The following LY96 variants were observed in gnomAD, a reference collection of about 807,000 sequenced individuals.
The protein encoded by LY96 is myeloid differentiation protein-2.
A neutral mutation model predicts 18.9 loss-of-function variants in LY96; 18 were observed. The observed-to-expected ratio is 0.95, with a 90% CI of 0.66 to 1.41. The LOEUF (loss-of-function observed/expected upper bound fraction) is 1.41, where lower values mean the gene tolerates loss of function less well. LY96 is among the 40% of genes most tolerant of loss of function. The pLI is 0.00. For missense variants in LY96, 175 were observed against 182.4 expected, an observed-to-expected ratio of 0.96 and a Z score of 0.23; for synonymous variants, 66 against 62.6, an observed-to-expected ratio of 1.06 and a Z score of -0.26.
chr8:74,011,910 TA>T (rs1816540111), intron 3 of LY96, among the ~76,000 whole-genome samples: 1 of 148,402 alleles, frequency 6.7e-6, no homozygotes, highest in African/African-American at 2.5e-5. Flanking sequence ...CACTTATAGA[TA>T]CTTTTCAAAA....
chr8:74,025,353 C>A (rs1422495277), intron 3 of LY96, among the ~76,000 whole-genome samples: 1 of 152,124 alleles, frequency 6.6e-6, no homozygotes, highest in Non-Finnish European at 1.5e-5. Context: ...GGTATCAACT[C>A]CTTTAGTAAG....
At chr8:74,066,169 T>C in the LY96 span, among the ~76,000 whole-genome samples, 1 of 152,020 alleles carries the variant, frequency 6.6e-6, no homozygotes, top group African/African-American at 2.4e-5. Flanking sequence ...GAGGACTCAC[T>C]CTCGGTTTCA....
At chr8:74,099,668 C>T in the LY96 span, 1 of 152,188 alleles carries the variant, frequency 6.6e-6, no homozygotes, top group Non-Finnish European at 1.5e-5. Context: ...ATATTAATGA[C>T]TCCTCCTATA....
chr8:74,021,494 AT>A (rs1816759090), intron 3 of LY96, among the ~76,000 whole-genome samples: 1 of 152,226 alleles, frequency 6.6e-6, no homozygotes, highest in Non-Finnish European at 1.5e-5. Context: ...TAGTTCAACC[AT>A]TGTGGAAGAC....
chr8:74,098,528 A>G, the LY96 span, among the ~76,000 whole-genome samples: 1 of 152,086 alleles, frequency 6.6e-6, no homozygotes, highest in Admixed American at 6.5e-5. Flanking sequence ...GGCACCCACC[A>G]CCACGCCCAG....
At chr8:74,027,604 A>G (rs531948142) in intron 4 of LY96, among the ~76,000 whole-genome samples, 4 of 152,320 alleles carry the variant, frequency 2.6e-5, no homozygotes, top group South Asian at 4.1e-4. Flanking sequence ...TCGCAGCCCA[A>G]TAGCAAGATG....
chr8:74,030,437 C>T (rs570077082), downstream of LY96, among the ~76,000 whole-genome samples: 120 of 152,226 alleles, frequency 7.9e-4, no homozygotes, highest in Middle Eastern at 6.8e-3. Flanking sequence ...CGCTTGAACC[C>T]GGGAGGTGAA....
At chr8:73,994,409 C>A (rs769279551) in intron 1 of LY96, among the ~76,000 whole-genome samples, 4 of 152,180 alleles carry the variant, frequency 2.6e-5, no homozygotes, top group Non-Finnish European at 5.9e-5. Flanking sequence ...GTGTTGGTGA[C>A]AACAACCTCT....
the LY96 span, among the ~76,000 whole-genome samples, chr8:74,051,234 G>A: frequency 5.9e-5 from 9 of 152,082 alleles, no homozygotes; most frequent in African/African-American, 1.7e-4. Context: ...TTCATGAGCC[G>A]GCCTGATCTG....
the LY96 span, among the ~76,000 whole-genome samples, chr8:74,093,157 A>G: frequency 5.9e-5 from 9 of 152,010 alleles, no homozygotes; most frequent in African/African-American, 2.2e-4. Flanking sequence ...TTTCCTTCTC[A>G]TTCAGTGAAC....
the LY96 span, among the ~76,000 whole-genome samples, chr8:74,094,965 T>C: frequency 1.3e-5 from 2 of 152,186 alleles, no homozygotes; most frequent in Non-Finnish European, 1.5e-5. Flanking sequence ...TTTACAGAGT[T>C]GATAGAAAGA....
intron 1 of LY96, among the ~76,000 whole-genome samples, chr8:73,997,303 A>C (rs187873521): frequency 1.3e-5 from 2 of 152,110 alleles, no homozygotes; most frequent in African/African-American, 2.4e-5. Flanking sequence ...TCCAGATTCT[A>C]TTCTATATCC....
At chr8:74,088,878 G>C in the LY96 span, among the ~76,000 whole-genome samples, 2 of 152,174 alleles carry the variant, frequency 1.3e-5, no homozygotes, top group African/African-American at 4.8e-5. Flanking sequence ...GAACCACTGT[G>C]CCTGACCTCT....
At chr8:74,042,171 A>C in the LY96 span, among the ~76,000 whole-genome samples, 2 of 152,242 alleles carry the variant, frequency 1.3e-5, no homozygotes, top group African/African-American at 4.8e-5. Flanking sequence ...TAAGTTAATT[A>C]AAAATAACAA....
the LY96 span, among the ~76,000 whole-genome samples, chr8:74,047,899 A>AT: frequency 6.8e-6 from 1 of 146,070 alleles, no homozygotes; most frequent in African/African-American, 2.6e-5. Context: ...ATTTTATTTT[A>AT]TTTTTTAATG....
the LY96 span, among the ~76,000 whole-genome samples, chr8:74,079,290 T>C: frequency 1.3e-5 from 2 of 152,230 alleles, no homozygotes; most frequent in Admixed American, 6.5e-5. Context: ...CAGATGCAGA[T>C]TGTGAGACTT....
chr8:74,053,088 C>G, the LY96 span, among the ~76,000 whole-genome samples: 1 of 152,184 alleles, frequency 6.6e-6, no homozygotes, highest in Non-Finnish European at 1.5e-5. Context: ...AAAAATGGAA[C>G]TCCATCTGTA....
At chr8:74,064,549 C>T in the LY96 span, among the ~76,000 whole-genome samples, 1 of 152,146 alleles carries the variant, frequency 6.6e-6, no homozygotes, top group East Asian at 1.9e-4. Context: ...GCATGGCACC[C>T]CCTCCCTACT....
chr8:74,093,170 C>T, the LY96 span, among the ~76,000 whole-genome samples: 1 of 152,186 alleles, frequency 6.6e-6, no homozygotes, highest in Non-Finnish European at 1.5e-5. Context: ...CAGTGAACTC[C>T]TTCTGCAAGC....
Sources: gnomAD v4.1 joint callset for allele counts (sites outside exome capture counted in the v4.1 genomes callset) on GRCh38, gnomAD v4.1.1 for gene constraint, MANE v1.5 for transcripts, NCBI Gene and HGNC (gene_info 2026-07-23, HGNC 2026-07-21) for gene names.